ZSWIM6: variants seen among roughly 807,000 people sequenced by gnomAD.
ZSWIM6 encodes the protein zinc finger SWIM domain-containing protein 6.
In ZSWIM6, 9 loss-of-function variants were observed where a neutral mutation model predicts 113.2. The ratio of observed to expected loss-of-function variants is 0.08; its 90% CI spans 0.05 to 0.14. The LOEUF (loss-of-function observed/expected upper bound fraction) is 0.14, where lower values mean the gene tolerates loss of function less well. Ranked by LOEUF, ZSWIM6 falls within the 10% of genes least tolerant of loss-of-function variation. The pLI is 1.00. For synonymous variants in ZSWIM6, 611 were observed against 606.5 expected, an observed-to-expected ratio of 1.01 and a Z score of -0.11; for missense variants, 1,162 against 1,552.2, an observed-to-expected ratio of 0.75 and a Z score of 4.22.
At chr5:61,403,703 C>T (rs945458858) in intron 1 of ZSWIM6, among the ~76,000 whole-genome samples, 20 of 152,180 alleles carry the variant, frequency 1.3e-4, no homozygotes, top group South Asian at 2.1e-4. Flanking sequence ...ATTCTGGAAT[C>T]GTACAAAATA....
rs929858269 is a variant in ZSWIM6 at position 61,521,256 on chromosome 5, A to C, written c.1334-7A>C. The C allele has an allele frequency of 1.7e-5, 22 of 1,307,490 alleles. No homozygotes were observed. Among genetic ancestry groups the C allele is most frequent in the Non-Finnish European group, 2.1e-5 (21 of 1,015,400 alleles). 81.0% of individuals were successfully genotyped at this position (1,307,490 alleles called of 1,614,324 possible). A position where few individuals can be genotyped will look rare whatever the true frequency, so the allele number is the denominator to read the frequency against. On this transcript the variant is annotated splice_region_variant and splice_polypyrimidine_tract_variant and intron_variant, in intron 4 of 13. Coordinates refer to ENST00000252744, the MANE Select transcript of ZSWIM6 (RefSeq NM_020928.2). ...AACATTTATTTTCCTTTCCTCCTTT[A>C]AATTAGGTGCTCTGTGGATGTGTAT...
At chr5:61,363,968 TCCTCCCTC>T (rs377008635) in intron 1 of ZSWIM6, among the ~76,000 whole-genome samples, 4 of 142,350 alleles carry the variant, frequency 2.8e-5, no homozygotes, top group South Asian at 2.2e-4. Flanking sequence ...CTTCCTTCCT[TCCTCCCTC>T]CCTCCCTCCC....
chr5:61,404,049 C>T (rs1579978399), intron 1 of ZSWIM6, among the ~76,000 whole-genome samples: 2 of 151,770 alleles, frequency 1.3e-5, no homozygotes, highest in Admixed American at 1.3e-4. Context: ...GCTCTGCCGC[C>T]CAGGCTGGAG....
At chr5:61,354,161 T>C (rs907914208) in intron 1 of ZSWIM6, among the ~76,000 whole-genome samples, 3 of 152,204 alleles carry the variant, frequency 2.0e-5, no homozygotes, top group African/African-American at 7.2e-5. Context: ...GCTGCCATCG[T>C]ACTTATCCCT....
At chr5:61,487,295 G>A (rs1748042579) in intron 2 of ZSWIM6, among the ~76,000 whole-genome samples, 1 of 151,832 alleles carries the variant, frequency 6.6e-6, no homozygotes, top group Admixed American at 6.6e-5. Context: ...GTTACTATAG[G>A]CTTGTAGTAT....
chr5:61,457,102 G>A (rs1747220229), intron 1 of ZSWIM6, among the ~76,000 whole-genome samples: 1 of 147,504 alleles, frequency 6.8e-6, no homozygotes, highest in Non-Finnish European at 1.5e-5. Context: ...TCCCCTTCCT[G>A]TGTCCATGTG....
intron 1 of ZSWIM6, among the ~76,000 whole-genome samples, chr5:61,356,046 C>G (rs1433893730): frequency 2.0e-5 from 3 of 152,148 alleles, no homozygotes; most frequent in Non-Finnish European, 4.4e-5. Context: ...CAGCATAAAT[C>G]TAAACACTGT....
chr5:61,455,858 A>G (rs1747196868), intron 1 of ZSWIM6, among the ~76,000 whole-genome samples: 1 of 133,018 alleles, frequency 7.5e-6, no homozygotes, highest in African/African-American at 2.8e-5. Flanking sequence ...CTGTTAAGGA[A>G]GCTAGGGAAG....
At chr5:61,360,016 GA>G (rs879575172) in intron 1 of ZSWIM6, among the ~76,000 whole-genome samples, 52 of 151,438 alleles carry the variant, frequency 3.4e-4, no homozygotes, top group Non-Finnish European at 3.0e-4. Context: ...GAGAGAGAGA[GA>G]GAGGGAGAAT....
chr5:61,333,449 G>C (rs1326030986), intron 1 of ZSWIM6, among the ~76,000 whole-genome samples: 1 of 151,788 alleles, frequency 6.6e-6, no homozygotes, highest in Non-Finnish European at 1.5e-5. Flanking sequence ...TTTCTTTCTG[G>C]CCCCCGCCCC....
intron 1 of ZSWIM6, among the ~76,000 whole-genome samples, chr5:61,430,661 A>G (rs1746560611): frequency 6.6e-6 from 1 of 152,124 alleles, no homozygotes. Context: ...GGATTTTGGT[A>G]TACTCAGGAG....
At chr5:61,511,447 T>A (rs894005741) in intron 4 of ZSWIM6, among the ~76,000 whole-genome samples, 1 of 152,104 alleles carries the variant, frequency 6.6e-6, no homozygotes, top group Non-Finnish European at 1.5e-5. Context: ...ATCGCTATGG[T>A]CTGAATGTTT....
intron 1 of ZSWIM6, among the ~76,000 whole-genome samples, chr5:61,354,669 G>A (rs552078743): frequency 6.6e-6 from 1 of 152,274 alleles, no homozygotes; most frequent in Admixed American, 6.5e-5. Flanking sequence ...TGGTATTAGA[G>A]GCTCCATTTC....
chr5:61,397,264 T>C (rs959861981), intron 1 of ZSWIM6, among the ~76,000 whole-genome samples: 2 of 152,258 alleles, frequency 1.3e-5, no homozygotes, highest in African/African-American at 4.8e-5. Context: ...AAACATCTTA[T>C]ACAAATGTTT....
At position 61,332,354 on chromosome 5, in the gene ZSWIM6, A is replaced by G. The variant is rs1456197449; in HGVS notation, c.82A>G (p.Ser28Gly). ...CGGCGGCGGCGGCGGCGGGGGCAGC[A>G]GCGGCGGCGGCGGCGGCGCGGGTGG... ...PGGGGGGGGS[S>G]GGGGGAGGGY... The change falls in exon 1 of 14, where the codon AGC (serine) becomes GGC (glycine). Residue 28 changes from serine to glycine, a missense_variant. By Grantham distance (56) the Ser-to-Gly change is moderately conservative (BLOSUM62 0). Transcript: ENST00000252744. 2.4e-4 allele frequency: 242 copies of G among 1,005,068 alleles called. No individual in the cohort carries two copies. The highest frequency in any genetic ancestry group is 6.5e-4 in the Admixed American group (11 of 16,972). 62.3% of individuals were successfully genotyped at this position (1,005,068 alleles called of 1,614,324 possible). A position where few individuals can be genotyped will look rare whatever the true frequency, so the allele number is the denominator to read the frequency against.
At chr5:61,341,355 A>G (rs1238527120) in intron 1 of ZSWIM6, among the ~76,000 whole-genome samples, 2 of 152,336 alleles carry the variant, frequency 1.3e-5, no homozygotes, top group African/African-American at 2.4e-5. Flanking sequence ...CCTTGTTTTT[A>G]TTAATCGTCG....
At chr5:61,441,218 C>T (rs72761448) in intron 1 of ZSWIM6, among the ~76,000 whole-genome samples, 3,880 of 152,174 alleles carry the variant, frequency 0.025, 78 homozygotes, top group Admixed American at 0.056. Flanking sequence ...GGTCAAAGTT[C>T]GAAGTTGATA....
chr5:61,505,629 TC>T (rs1748583348), intron 4 of ZSWIM6, among the ~76,000 whole-genome samples: 2 of 90,426 alleles, frequency 2.2e-5, no homozygotes, highest in African/African-American at 9.3e-5. Context: ...CTTCCTTCCT[TC>T]CTTCCTTCCT....
intron 1 of ZSWIM6, among the ~76,000 whole-genome samples, chr5:61,411,567 A>C (rs528361260): frequency 6.6e-6 from 1 of 152,236 alleles, no homozygotes; most frequent in Non-Finnish European, 1.5e-5. Context: ...GTGTTAATCC[A>C]CTCAGGCTCC....
Sources: gnomAD v4.1 joint callset for allele counts (sites outside exome capture counted in the v4.1 genomes callset) on GRCh38, gnomAD v4.1.1 for gene constraint, MANE v1.5 for transcripts, NCBI Gene and HGNC (gene_info 2026-07-23, HGNC 2026-07-21) for gene names.